Variants in ABR observed in about 807,000 individuals in gnomAD.
ABR encodes active breakpoint cluster region-related protein.
A neutral mutation model predicts 107.2 loss-of-function variants in ABR; 35 were observed. The observed-to-expected ratio is 0.33, with a 90% CI of 0.25 to 0.43. ABR has a LOEUF of 0.43. ABR is among the 20% of genes least tolerant of loss of function. The pLI is 1.00. For missense variants in ABR, 815 were observed against 1,115.2 expected, an observed-to-expected ratio of 0.73 and a Z score of 3.83; for synonymous variants, 498 against 462.0, an observed-to-expected ratio of 1.08 and a Z score of -1.00.
intron 2 of ABR, among the ~76,000 whole-genome samples, chr17:1,104,710 C>T (rs1375077464): frequency 6.6e-6 from 1 of 152,222 alleles, no homozygotes; most frequent in Non-Finnish European, 1.5e-5. Context: ...CTCTCCTCTC[C>T]CAGCGCTAGG....
chr17:1,031,659 C>T (rs1445700393), intron 16 of ABR: 2 of 1,256,120 alleles, frequency 1.6e-6, no homozygotes, highest in African/African-American at 1.6e-5. Context: ...GTTGGGGGGG[C>T]GCTTGCTCCC....
At chr17:1,083,713 G>A in intron 4 of ABR, 86 bp from the exon 5 acceptor site, 2 of 1,137,058 alleles carry the variant, frequency 1.8e-6, no homozygotes, top group Non-Finnish European at 2.7e-6. Flanking sequence ...CGGAGCACCG[G>A]GAGCTCCCCT....
intron 16 of ABR, among the ~76,000 whole-genome samples, chr17:1,029,316 C>T (rs1001198050): frequency 1.3e-5 from 2 of 152,056 alleles, no homozygotes; most frequent in Non-Finnish European, 2.9e-5. Flanking sequence ...CAGGGACCCC[C>T]GCTGGTACCC....
intron 1 of ABR, among the ~76,000 whole-genome samples, chr17:1,130,221 C>T (rs2039767736): frequency 6.6e-6 from 1 of 151,804 alleles, no homozygotes; most frequent in Admixed American, 6.5e-5. Context: ...TTCCTGCTCC[C>T]GGAAGAAGTC....
At chr17:1,169,310 C>T (rs1169912245) in intron 1 of ABR, among the ~76,000 whole-genome samples, 2 of 152,246 alleles carry the variant, frequency 1.3e-5, no homozygotes, top group African/African-American at 2.4e-5. Flanking sequence ...TCCTTAAAAT[C>T]AGGGTAACAA....
intron 4 of ABR, 141 bp from the exon 5 acceptor site, chr17:1,083,768 G>A (rs1425028628): frequency 3.3e-5 from 23 of 696,942 alleles, no homozygotes; most frequent in African/African-American, 8.7e-5. Context: ...TTGGGGAAAC[G>A]CAGGGATGAA....
At chr17:1,211,015 C>T (rs1035410588) in intron 1 of ABR, among the ~76,000 whole-genome samples, 3 of 152,154 alleles carry the variant, frequency 2.0e-5, no homozygotes, top group Non-Finnish European at 4.4e-5. Flanking sequence ...CGTGGTGGCT[C>T]ACGCCTATAA....
At chr17:1,147,788 C>T (rs946596979) in intron 1 of ABR, among the ~76,000 whole-genome samples, 3 of 152,216 alleles carry the variant, frequency 2.0e-5, no homozygotes, top group African/African-American at 2.4e-5. Flanking sequence ...CAACACAGCA[C>T]CTGACAGTCC....
chr17:1,061,737 G>A (rs947727561), intron 10 of ABR, among the ~76,000 whole-genome samples: 3 of 152,020 alleles, frequency 2.0e-5, no homozygotes, highest in Non-Finnish European at 4.4e-5. Context: ...CATAGAGACG[G>A]GGCTTCATGA....
At chr17:1,209,211 ACT>A (rs954583595) in intron 1 of ABR, among the ~76,000 whole-genome samples, 92 of 151,848 alleles carry the variant, frequency 6.1e-4, no homozygotes, top group African/African-American at 2.1e-3. Context: ...ACAGTGTTTT[ACT>A]CTCTGCAGCT....
At chr17:1,062,318 A>G (rs371322294) in intron 10 of ABR, among the ~76,000 whole-genome samples, 581 of 108,772 alleles carry the variant, frequency 5.3e-3, no homozygotes, top group Middle Eastern at 0.01. Flanking sequence ...TCCTCCAGAC[A>G]CTGTTGTTAT....
intron 7 of ABR, 146 bp downstream of exon 7, chr17:1,073,479 G>T: frequency 3.3e-6 from 2 of 608,656 alleles, no homozygotes; most frequent in Non-Finnish European, 5.1e-6. Flanking sequence ...CATGGATACC[G>T]CGGGCCAGAC....
chr17:1,105,458 AC>A (rs2038182694), intron 2 of ABR, among the ~76,000 whole-genome samples: 2 of 57,670 alleles, frequency 3.5e-5, no homozygotes, highest in Non-Finnish European at 6.1e-5. Context: ...TTCTCAAATC[AC>A]CACGTGGGGC....
At chr17:1,222,900 C>A (rs2043143788) in intron 1 of ABR, among the ~76,000 whole-genome samples, 1 of 151,906 alleles carries the variant, frequency 6.6e-6, no homozygotes, top group Admixed American at 6.6e-5. Flanking sequence ...CAGAGTAAGA[C>A]CCTGTCTTAA....
At chr17:1,045,917 C>A (rs118045132) in intron 16 of ABR, among the ~76,000 whole-genome samples, 8,038 of 152,276 alleles carry the variant, frequency 0.053, 270 homozygotes, top group Non-Finnish European at 0.076. Flanking sequence ...CTTGTCCAGG[C>A]TGGAGTGCAA....
At chr17:1,057,705 GAGAGAGAGAGAGGT>G (rs1798941303) in intron 12 of ABR, 1 of 434,918 alleles carries the variant, frequency 2.3e-6, no homozygotes, top group South Asian at 2.2e-5. Context: ...GTGTGTGTGA[GAGAGAGAGAGAGGT>G]AGAGAGAGAG....
At chr17:1,188,721 A>AT (rs1598094430), upstream of ABR, among the ~76,000 whole-genome samples, 1 of 152,144 alleles carries the variant, frequency 6.6e-6, no homozygotes, top group African/African-American at 2.4e-5. Flanking sequence ...GCGGATGGCG[A>AT]GTTCCCATCT....
chr17:1,180,978 G>A (rs2042115526), upstream of ABR, among the ~76,000 whole-genome samples: 1 of 152,176 alleles, frequency 6.6e-6, no homozygotes, highest in African/African-American at 2.4e-5. Flanking sequence ...GGGAAGCAGT[G>A]GGGCCCACCC....
At position 1,010,071 on chromosome 17, in the gene ABR, G is replaced by A. The variant is rs1350127046; in HGVS notation, c.2237-287C>T. ...TGGGTGCTGGGGCATCCCCTGTCTC[G>A]TAACAGGACACCCCCTGGTCTGTGT... On this transcript the variant is annotated intron_variant, in intron 20 of 22. Transcript: ENST00000302538. This position sits in a 1 kb window ranked among gnomAD's most constrained non-coding sequence, Gnocchi z 4.1. 3.8e-5 allele frequency: 20 copies of A among 530,278 alleles called. No individual in the cohort carries two copies. The highest frequency in any genetic ancestry group is 5.1e-5 in the Non-Finnish European group (15 of 293,198). The allele number at this position is 530,278 out of a possible 1,614,324, so 32.8% of individuals were successfully genotyped here.
Sources: allele counts gnomAD v4.1 joint callset (sites outside exome capture counted in the v4.1 genomes callset), GRCh38; gene constraint gnomAD v4.1.1; non-coding constraint Gnocchi (gnomAD v3.1); transcripts MANE v1.5; gene names NCBI Gene and HGNC (gene_info 2026-07-23, HGNC 2026-07-21).